Variants in RUBCN observed in about 807,000 individuals in gnomAD.
RUBCN encodes run domain Beclin-1-interacting and cysteine-rich domain-containing protein.
RUBCN carries 74 observed loss-of-function variants against 113.2 expected under a neutral mutation model. The observed-to-expected ratio is 0.65, with a 90% CI of 0.54 to 0.79. The LOEUF (loss-of-function observed/expected upper bound fraction) is 0.79, where lower values mean the gene tolerates loss of function less well. RUBCN is among the 30% of genes least tolerant of loss of function. RUBCN has a pLI of 0.00. For synonymous variants in RUBCN, 480 were observed against 490.0 expected (o/e 0.98, Z 0.27); for missense variants, 1,109 against 1,251.7 (o/e 0.89, Z 1.72).
rs185822101 is a variant in RUBCN, at chr3:197,682,654, G to C, written c.1981-39C>G. ...GCACAGTTGGGGTAAGCTCGTGTCAGTGTGCTGCCCGTCATCTGGTGAGAT... is the reference window on the plus strand; with the variant it reads ...GCACAGTTGGGGTAAGCTCGTGTCACTGTGCTGCCCGTCATCTGGTGAGAT... On this transcript the variant is annotated intron_variant, in intron 13 of 19. Coordinates refer to ENST00000296343, the MANE Select transcript of RUBCN (RefSeq NM_014687.4). 2.2e-4 allele frequency: 349 copies of C among 1,601,802 alleles called. 1 individual carries two copies. In the Middle Eastern group the frequency reaches 7.3e-3, roughly 34 times the overall value.
At position 197,683,303 on chromosome 3, in the gene RUBCN, C is replaced by T. The variant is rs1182962767; in HGVS notation, c.1980+4G>A. ...CTGGGTAGGAAGAAGAGCTAAGGAC[C>T]TACCTTCTGAGGGGCATCATGCTCC... On this transcript the variant is annotated splice_donor_region_variant and intron_variant, in intron 13 of 19. Transcript: ENST00000296343. The surrounding 1 kb of genome is among the most constrained non-coding windows in gnomAD (Gnocchi z 4.6). 2.5e-6 allele frequency: 4 copies of T among 1,614,172 alleles called. No homozygotes were observed. The highest frequency in any genetic ancestry group is 3.4e-6 in the Non-Finnish European group (4 of 1,180,040).
At chr3:197,739,596 T>A (rs1728434236), upstream of RUBCN, among the ~76,000 whole-genome samples, 1 of 151,098 alleles carries the variant, frequency 6.6e-6, no homozygotes, top group South Asian at 2.1e-4. Context: ...CTCCGGAGGC[T>A]GAGGCAGGAG....
chr3:197,704,827 C>T, intron 3 of RUBCN, 126 bp from the exon 4 acceptor site: 5 of 1,095,866 alleles, frequency 4.6e-6, no homozygotes, highest in South Asian at 1.3e-5. Flanking sequence ...CACCCTGGGT[C>T]CCATGTAGGC....
intron 1 of RUBCN, among the ~76,000 whole-genome samples, chr3:197,719,727 A>G (rs1173810140): frequency 6.6e-6 from 1 of 152,196 alleles, no homozygotes; most frequent in Non-Finnish European, 1.5e-5. Flanking sequence ...CAAACAATCT[A>G]TATTTGGTAT....
At chr3:197,704,929 A>G (rs1278890530) in intron 3 of RUBCN, among the ~76,000 whole-genome samples, 163 bp downstream of exon 3, 1 of 151,636 alleles carries the variant, frequency 6.6e-6, no homozygotes, top group African/African-American at 2.4e-5. Flanking sequence ...TTTTTTTTTA[A>G]GCAAATAAAG....
Position 197,677,031 on chromosome 3 carries a change from C to T in RUBCN, c.2500G>A (p.Asp834Asn), listed in dbSNP as rs752386275. 3 of 1,613,360 alleles carry T rather than the reference C, an allele frequency of 1.9e-6. No homozygotes were observed. The highest frequency in any genetic ancestry group is 1.3e-5 in the African/African-American group (1 of 74,880). ...TGGCCTGGGACTGTGTCAAAGGAAT[C>T]CAGAAGCCTACAGGGAGTGACAGGA... ...KTCRLAKELL[D>N]SFDTVPGHLT... is the part of the protein sequence containing the mutation. The change falls in exon 18 of 20, where the codon GAT (aspartate) becomes AAT (asparagine). Residue 834 changes from aspartate (D) to asparagine (N), a missense_variant. Physicochemically the swap from Asp to Asn is conservative, Grantham distance 23. This residue lies in a region of RUBCN where 306 missense variants were observed against 348.9 expected (regional missense o/e 0.88). Transcript: ENST00000296343.
intron 2 of RUBCN, 149 bp from the exon 3 acceptor site, chr3:197,705,324 G>T: frequency 1.3e-6 from 1 of 746,658 alleles, no homozygotes; most frequent in Non-Finnish European, 2.4e-6. Flanking sequence ...ACACACAGAG[G>T]CCAGGGGTGG....
At chr3:197,723,610 T>C (rs988908546) in intron 1 of RUBCN, among the ~76,000 whole-genome samples, 4 of 152,204 alleles carry the variant, frequency 2.6e-5, no homozygotes, top group African/African-American at 7.2e-5. Flanking sequence ...TGAAGTCCCA[T>C]TTTACATATT....
At chr3:197,721,346 A>G (rs1297360528) in intron 1 of RUBCN, among the ~76,000 whole-genome samples, 1 of 152,146 alleles carries the variant, frequency 6.6e-6, no homozygotes, top group East Asian at 1.9e-4. Flanking sequence ...GGTAAGCTGT[A>G]TGTGTCCACA....
chr3:197,700,464 G>A lies in RUBCN; in HGVS notation c.1261+149C>T, dbSNP rs986092057. On this transcript the variant is annotated intron_variant, in intron 7 of 19. Coordinates refer to ENST00000296343, the MANE Select transcript of RUBCN (RefSeq NM_014687.4). ...TAGAGATTTTGAGTCTCAGTATTTC[G>A]TTATAAACTTCTTTCATTACAAAAT... The A allele has an allele frequency of 9.8e-6, 7 of 716,386 alleles. 1 individual carries two copies. The highest frequency in any genetic ancestry group is 7.2e-5 in the South Asian group (4 of 55,650). 44.4% of individuals were successfully genotyped at this position (716,386 alleles called of 1,614,324 possible).
At chr3:197,743,124 C>T (rs1050820104) in intron 1 of RUBCN, among the ~76,000 whole-genome samples, 1 of 152,256 alleles carries the variant, frequency 6.6e-6, no homozygotes, top group African/African-American at 2.4e-5. Context: ...CTCCTTTAAA[C>T]TTGCTAGCTG....
chr3:197,749,535 C>G, exon 1 of RUBCN: 1 of 1,290,922 alleles, frequency 7.7e-7, no homozygotes, highest in Non-Finnish European at 1.0e-6. Context: ...CCTCCCGAGG[C>G]TGCGTTGCGG....
chr3:197,720,087 C>T (rs1158212656), intron 1 of RUBCN, among the ~76,000 whole-genome samples: 2 of 152,138 alleles, frequency 1.3e-5, no homozygotes, highest in Non-Finnish European at 1.5e-5. Flanking sequence ...CTTCTCCCGC[C>T]TTACTGTGCA....
chr3:197,737,230 C>G (rs2109017813), upstream of RUBCN: 1 of 164,464 alleles, frequency 6.1e-6, no homozygotes, highest in Non-Finnish European at 1.3e-5. Flanking sequence ...CGAACTCAGT[C>G]CGAGATGTAG....
At position 197,669,613 on chromosome 3, in the gene RUBCN, T is replaced by C. The variant is rs958060440; in HGVS notation, c.*5405A>G. Among the ~76,000 whole-genome samples, 1 of 152,192 alleles carries C rather than the reference T, an allele frequency of 6.6e-6. No individual in the cohort carries two copies. Among genetic ancestry groups the C allele is most frequent in the African/African-American group, 2.4e-5 (1 of 41,436 alleles). On this transcript the variant is annotated 3_prime_UTR_variant, in exon 20 of 20. Transcript: ENST00000296343. ...ATTACTTGGTTAAGGTCGTGTTAGC[T>C]CTCTCTACTCTAAAGTTGCTATTTT...
intron 1 of RUBCN, among the ~76,000 whole-genome samples, chr3:197,720,101 G>C (rs551356793): frequency 6.6e-6 from 1 of 151,876 alleles, no homozygotes; most frequent in South Asian, 2.1e-4. Flanking sequence ...CTGTGCAACA[G>C]AGCACCAGAA....
In RUBCN at chr3:197,681,911, T is replaced by G. The variant is rs1197465230; in HGVS notation, c.2127-12A>C. On this transcript the variant is annotated splice_polypyrimidine_tract_variant and intron_variant, in intron 14 of 19. Transcript: ENST00000296343. This position sits in a 1 kb window ranked among gnomAD's most constrained non-coding sequence, Gnocchi z 5.5. ...CGGCAATTTTCCTCCTGAGGAAGGG[T>G]AAGGACAGGGCATTGGCACAGAGCA... is the stretch of plus-strand genomic sequence containing the variant. 6.2e-7 allele frequency: 1 copy of G among 1,612,180 alleles called. No homozygotes were observed. Among genetic ancestry groups the G allele is most frequent in the Non-Finnish European group, 8.5e-7 (1 of 1,178,714 alleles).
At position 197,677,020 on chromosome 3, in the gene RUBCN, G is replaced by A. The variant is rs1720518086; in HGVS notation, c.2511C>T (p.Asp837=). The A allele has an allele frequency of 3.7e-6, 6 of 1,613,644 alleles. No homozygotes were observed. The highest frequency in any genetic ancestry group is 5.1e-6 in the Non-Finnish European group (6 of 1,180,028). The change falls in exon 18 of 20, where the codon GAC becomes GAT. Residue 837 remains aspartate (D), a synonymous_variant. Coordinates refer to ENST00000296343, the MANE Select transcript of RUBCN (RefSeq NM_014687.4). The part of the protein sequence containing the change: ...RLAKELLDSF[D]TVPGHLTEDL... ...CCTCTGTCAGGTGGCCTGGGACTGTGTCAAAGGAATCCAGAAGCCTACAGG... is the reference window on the plus strand; with the variant it reads ...CCTCTGTCAGGTGGCCTGGGACTGTATCAAAGGAATCCAGAAGCCTACAGG...
Position 197,703,664 on chromosome 3 carries a change from G to T in RUBCN, c.464-10C>A. ...AGCAGGAAGGCAGCATCTGGGGAGAGAAAAGCTGCCACAGTGATAGAGCCC... is the reference window on the plus strand; with the variant it reads ...AGCAGGAAGGCAGCATCTGGGGAGATAAAAGCTGCCACAGTGATAGAGCCC... On this transcript the variant is annotated splice_polypyrimidine_tract_variant and intron_variant, in intron 4 of 19. Coordinates refer to ENST00000296343, the MANE Select transcript of RUBCN (RefSeq NM_014687.4). The T allele has an allele frequency of 6.3e-7, 1 of 1,584,664 alleles. No homozygotes were observed. The highest frequency in any genetic ancestry group is 8.7e-7 in the Non-Finnish European group (1 of 1,153,998).
Sources: allele counts gnomAD v4.1 joint callset (sites outside exome capture counted in the v4.1 genomes callset), GRCh38; gene constraint gnomAD v4.1.1; regional missense constraint gnomAD v4.1.1; non-coding constraint Gnocchi (gnomAD v3.1); transcripts MANE v1.5; gene names NCBI Gene and HGNC (gene_info 2026-07-23, HGNC 2026-07-21).